CRTAC1: variants seen among roughly 807,000 people sequenced by gnomAD.
The protein encoded by CRTAC1 is acidic secreted protein in cartilage.
CRTAC1 carries 37 observed loss-of-function variants against 67.8 expected under a neutral mutation model. The ratio of observed to expected loss-of-function variants is 0.55; its 90% confidence interval spans 0.42 to 0.72. CRTAC1 has a LOEUF of 0.72. Ranked by LOEUF, CRTAC1 falls within the 30% of genes least tolerant of loss-of-function variation. CRTAC1 has a pLI of 0.00. For missense variants in CRTAC1, 780 were observed against 931.6 expected, an observed-to-expected ratio of 0.84 and a Z score of 2.12; for synonymous variants, 348 against 371.0, an observed-to-expected ratio of 0.94 and a Z score of 0.71.
At chr10:97,882,697 GC>G in intron 13 of CRTAC1, 88 bp downstream of exon 13, 1 of 1,426,266 alleles carries the variant, frequency 7.0e-7, no homozygotes, top group Non-Finnish European at 9.9e-7. Flanking sequence ...CCCCTTGCTT[GC>G]ACCCTGGACC....
At chr10:97,890,410 T>C (rs1023611480) in intron 11 of CRTAC1, among the ~76,000 whole-genome samples, 1 of 152,062 alleles carries the variant, frequency 6.6e-6, no homozygotes, top group Non-Finnish European at 1.5e-5. Flanking sequence ...TACCCAGCCT[T>C]GGACATAGGT....
rs1184277736 is a variant in CRTAC1 at position 98,011,139 on chromosome 10, C to A, written c.223G>T (p.Gly75Trp). ...HDGDFEIVVA[G>W]YNGPNLVLKY... ...ACACTGAGGGTGGGAGGCACTTACCCCGCCACGACGATCTCAAAGTCCCCA... is the reference window on the plus strand; with the variant it reads ...ACACTGAGGGTGGGAGGCACTTACCACGCCACGACGATCTCAAAGTCCCCA... Residue 75 changes from glycine to tryptophan, a missense_variant and splice_region_variant, in exon 2 of 15, where the codon GGG becomes TGG. Gly to Trp is a radical substitution (Grantham distance 184). Transcript: ENST00000370597. The A allele has an allele frequency of 1.2e-6, 2 of 1,613,906 alleles. No individual in the cohort carries two copies. Among genetic ancestry groups the A allele is most frequent in the East Asian group, 2.2e-5 (1 of 44,874 alleles).
At position 97,930,445 on chromosome 10, in the gene CRTAC1, G is replaced by A. The variant is rs185765958; in HGVS notation, c.421+5725C>T. Among the ~76,000 whole-genome samples, 140 of 152,312 alleles carry A rather than the reference G, an allele frequency of 9.2e-4. No individual in the cohort carries two copies. In the Middle Eastern group the frequency reaches 0.017, roughly 19 times the overall value. ...GACCTAGAGAATCCTAGGAAAAGAG[G>A]GTGGAGCCATAGGGCCATACATCTC... On this transcript the variant is annotated intron_variant, in intron 3 of 14. Transcript: ENST00000370597.
chr10:97,946,761 A>G (rs2051271239), intron 2 of CRTAC1, among the ~76,000 whole-genome samples: 1 of 152,198 alleles, frequency 6.6e-6, no homozygotes, highest in Admixed American at 6.5e-5. Context: ...CCACCAAGTC[A>G]CTGTGTCCTC....
At chr10:97,957,823 G>T (rs900235915) in intron 2 of CRTAC1, among the ~76,000 whole-genome samples, 1 of 152,174 alleles carries the variant, frequency 6.6e-6, no homozygotes. Flanking sequence ...AAGACACACC[G>T]AATGGGGAGT....
At chr10:97,880,175 TG>T in intron 14 of CRTAC1, 73 bp downstream of exon 14, 1 of 1,550,310 alleles carries the variant, frequency 6.5e-7, no homozygotes, top group South Asian at 1.2e-5. Flanking sequence ...GACCTTGATC[TG>T]GGGCCTACCC....
intron 8 of CRTAC1, among the ~76,000 whole-genome samples, chr10:97,898,558 AG>A (rs2050492472): frequency 6.6e-6 from 1 of 152,228 alleles, no homozygotes; most frequent in African/African-American, 2.4e-5. Context: ...GAAAGTGACA[AG>A]GCTGGAGACG....
At chr10:98,027,762 G>A (rs1275368528) in intron 1 of CRTAC1, among the ~76,000 whole-genome samples, 1 of 152,216 alleles carries the variant, frequency 6.6e-6, no homozygotes, top group East Asian at 1.9e-4. Context: ...TGTATGGGAT[G>A]TATTAATTTA....
intron 2 of CRTAC1, among the ~76,000 whole-genome samples, chr10:97,984,731 T>C (rs2051952071): frequency 6.6e-6 from 1 of 152,146 alleles, no homozygotes; most frequent in African/African-American, 2.4e-5. Context: ...AGACAACTTG[T>C]TTGGGCACGT....
intron 2 of CRTAC1, among the ~76,000 whole-genome samples, chr10:97,959,030 A>C (rs895927839): frequency 6.6e-6 from 1 of 152,168 alleles, no homozygotes; most frequent in African/African-American, 2.4e-5. Context: ...GCGACTGTGA[A>C]AGAGCTGCCG....
chr10:97,887,523 C>T (rs1017924609), intron 11 of CRTAC1, among the ~76,000 whole-genome samples: 6 of 152,228 alleles, frequency 3.9e-5, no homozygotes, highest in Non-Finnish European at 7.3e-5. Context: ...GGATTATAGG[C>T]GTGAGTCACC....
intron 2 of CRTAC1, among the ~76,000 whole-genome samples, chr10:97,960,975 C>T (rs2051516031): frequency 6.6e-6 from 1 of 152,212 alleles, no homozygotes; most frequent in Admixed American, 6.5e-5. Flanking sequence ...TTCAGATCCA[C>T]TCTTTTTTTC....
At chr10:97,970,287 C>G (rs984560442) in intron 2 of CRTAC1, among the ~76,000 whole-genome samples, 1 of 152,190 alleles carries the variant, frequency 6.6e-6, no homozygotes, top group Non-Finnish European at 1.5e-5. Context: ...CCTGACAGCT[C>G]TCAGCTTCCC....
At chr10:97,885,542 T>C (rs2050270718) in intron 11 of CRTAC1, among the ~76,000 whole-genome samples, 1 of 152,170 alleles carries the variant, frequency 6.6e-6, no homozygotes, top group South Asian at 2.1e-4. Flanking sequence ...GCTGAAAAGA[T>C]TTGTCAGATG....
intron 2 of CRTAC1, among the ~76,000 whole-genome samples, chr10:98,008,059 A>ATGG (rs1197538274): frequency 6.6e-6 from 1 of 152,160 alleles, no homozygotes; most frequent in East Asian, 1.9e-4. Flanking sequence ...GACTGGGCCC[A>ATGG]TGGTGGCACA....
intron 1 of CRTAC1, among the ~76,000 whole-genome samples, chr10:98,017,044 G>A (rs1843012682): frequency 6.6e-6 from 1 of 152,052 alleles, no homozygotes; most frequent in African/African-American, 2.4e-5. Context: ...ATGGTAGAAA[G>A]GTTAAAAATA....
At chr10:97,989,739 T>C (rs1842400649) in intron 2 of CRTAC1, among the ~76,000 whole-genome samples, 1 of 152,214 alleles carries the variant, frequency 6.6e-6, no homozygotes, top group Non-Finnish European at 1.5e-5. Flanking sequence ...TTATTGTCTC[T>C]ACTTTATAGA....
Position 97,865,519 on chromosome 10 carries a change from C to A in CRTAC1, c.*29G>T, listed in dbSNP as rs376256449. The A allele has an allele frequency of 6.3e-7, 1 of 1,582,526 alleles. No homozygotes were observed. Among genetic ancestry groups the A allele is most frequent in the African/African-American group, 1.3e-5 (1 of 74,534 alleles). On this transcript the variant is annotated 3_prime_UTR_variant, in exon 15 of 15. Transcript: ENST00000370597. ...CACTTTCCCACTCCCCTGCTGGACT[C>A]CATCCGCTGGTTCATGTCCCACCCC...
intron 4 of CRTAC1, among the ~76,000 whole-genome samples, chr10:97,922,368 C>T (rs1178332847): frequency 6.6e-6 from 1 of 152,216 alleles, no homozygotes; most frequent in Non-Finnish European, 1.5e-5. Flanking sequence ...CACACTGAAT[C>T]CCCAATCCCC....
Sources: allele counts gnomAD v4.1 joint callset (sites outside exome capture counted in the v4.1 genomes callset), GRCh38; gene constraint gnomAD v4.1.1; transcripts MANE v1.5; gene names NCBI Gene and HGNC (gene_info 2026-07-23, HGNC 2026-07-21).